Variants in MRPS31 observed in about 807,000 individuals in gnomAD.
MRPS31 encodes the protein small ribosomal subunit protein mS31.
A neutral mutation model predicts 43.1 loss-of-function variants in MRPS31; 32 were observed. The observed-to-expected ratio is 0.74, with a 90% CI of 0.56 to 1.00. The LOEUF is 1.00. Ranked by LOEUF, MRPS31 falls within the 50% of genes least tolerant of loss-of-function variation. The pLI is 0.00. For missense variants in MRPS31, 437 were observed against 466.7 expected, an observed-to-expected ratio of 0.94 and a Z score of 0.59; for synonymous variants, 165 against 161.6, an observed-to-expected ratio of 1.02 and a Z score of -0.16.
intron 6 of MRPS31, among the ~76,000 whole-genome samples, chr13:40,734,879 G>C (rs1879831514): frequency 6.6e-6 from 1 of 152,182 alleles, no homozygotes; most frequent in South Asian, 2.1e-4. Context: ...CTGGGTGACG[G>C]AGTGAGACCC....
At chr13:40,737,705 T>A (rs923898371) in intron 6 of MRPS31, among the ~76,000 whole-genome samples, 2 of 151,818 alleles carry the variant, frequency 1.3e-5, no homozygotes, top group African/African-American at 4.8e-5. Context: ...CATAACGAAA[T>A]GAAGGCAGAA....
intron 6 of MRPS31, among the ~76,000 whole-genome samples, chr13:40,734,631 T>G (rs1879821742): frequency 6.6e-6 from 1 of 152,166 alleles, no homozygotes; most frequent in African/African-American, 2.4e-5. Flanking sequence ...CTGGGAACAG[T>G]GGCTTACACC....
chr13:40,767,292 G>A (rs1201599903), intron 1 of MRPS31, among the ~76,000 whole-genome samples: 1 of 151,974 alleles, frequency 6.6e-6, no homozygotes, highest in Non-Finnish European at 1.5e-5. Flanking sequence ...CGAGCAGCTA[G>A]GATTGTAGGC....
chr13:40,753,425 T>G (rs1239771410), intron 5 of MRPS31, among the ~76,000 whole-genome samples: 1 of 152,232 alleles, frequency 6.6e-6, no homozygotes. Flanking sequence ...GATTCGGTAA[T>G]CGGTAGTACT....
At chr13:40,734,138 C>T (rs566231316) in intron 6 of MRPS31, among the ~76,000 whole-genome samples, 1 of 152,082 alleles carries the variant, frequency 6.6e-6, no homozygotes, top group South Asian at 2.1e-4. Context: ...GGAGCAAAGG[C>T]TTATTGTGAA....
At chr13:40,769,325 G>A (rs770630279) in intron 1 of MRPS31, among the ~76,000 whole-genome samples, 21 of 138,976 alleles carry the variant, frequency 1.5e-4, no homozygotes, top group Non-Finnish European at 2.8e-4. Context: ...GCAGTGAGCC[G>A]AGATCACACA....
At chr13:40,751,546 G>GTA (rs1228734140) in intron 5 of MRPS31, among the ~76,000 whole-genome samples, 4 of 152,168 alleles carry the variant, frequency 2.6e-5, no homozygotes, top group Admixed American at 6.5e-5. Context: ...GGGCCTATGA[G>GTA]TATATCCTTT....
chr13:40,737,486 T>C (rs900913076), intron 6 of MRPS31, among the ~76,000 whole-genome samples: 13 of 152,060 alleles, frequency 8.5e-5, no homozygotes, highest in Admixed American at 2.0e-4. Flanking sequence ...ATACATTTTT[T>C]TCAGCACCAC....
At chr13:40,751,982 C>T (rs548279458) in intron 5 of MRPS31, among the ~76,000 whole-genome samples, 13 of 151,642 alleles carry the variant, frequency 8.6e-5, no homozygotes, top group African/African-American at 3.1e-4. Context: ...TCTTCAAGTG[C>T]CTCTTTTGGC....
In MRPS31 at chr13:40,729,549, G is replaced by A. The variant is rs77896392; in HGVS notation, c.1011C>T (p.His337=). Residue 337 remains histidine (H), a synonymous_variant, in exon 7 of 7, where the codon CAC becomes CAT. Transcript: ENST00000323563. Reference sequence around the variant, plus strand: ...GTCCTTGTTTTGGAAAGCTCTCCAGGTGTTTCTCCAGAAATATATGTTCAT... The same window carrying A: ...GTCCTTGTTTTGGAAAGCTCTCCAGATGTTTCTCCAGAAATATATGTTCAT... ...EFHEHIFLEK[H]LESFPKQGPI... The A allele has an allele frequency of 3.6e-3, 5,818 of 1,613,896 alleles. 112 individuals carry two copies. The African/African-American group carries it at 0.058, about 16-fold the overall frequency.
At position 40,767,059 on chromosome 13, in the gene MRPS31, A is replaced by G. The variant is rs757601475; in HGVS notation, c.153-26T>C. ...CTGGAAAGATGCATTAAAGAAAAAAATGAAAAATACAATGCAGTCTACAAT... is the reference window on the plus strand; with the variant it reads ...CTGGAAAGATGCATTAAAGAAAAAAGTGAAAAATACAATGCAGTCTACAAT... On this transcript the variant is annotated intron_variant, in intron 1 of 6. Coordinates refer to ENST00000323563, the MANE Select transcript of MRPS31 (RefSeq NM_005830.4). 2.8e-5 allele frequency: 44 copies of G among 1,568,934 alleles called. No individual in the cohort carries two copies. The Middle Eastern group carries it at 5.3e-4, about 19-fold the overall frequency.
chr13:40,739,646 C>T (rs1021728405), intron 6 of MRPS31, among the ~76,000 whole-genome samples: 1 of 152,094 alleles, frequency 6.6e-6, no homozygotes, highest in African/African-American at 2.4e-5. Context: ...ATATCTACAA[C>T]TATCTGATCT....
intron 3 of MRPS31, among the ~76,000 whole-genome samples, chr13:40,758,401 T>C (rs77095080): frequency 0.045 from 6,831 of 152,236 alleles, 307 homozygotes; most frequent in East Asian, 0.14. Context: ...TACACGTTCA[T>C]TGAGAACAAC....
At chr13:40,750,968 A>C (rs2138006518) in intron 5 of MRPS31, among the ~76,000 whole-genome samples, 1 of 151,992 alleles carries the variant, frequency 6.6e-6, no homozygotes, top group Non-Finnish European at 1.5e-5. Context: ...CCTCCAGCTT[A>C]CCTCTTTACC....
chr13:40,749,304 A>T, intron 5 of MRPS31, 23 bp from the exon 6 acceptor site: 1 of 1,527,040 alleles, frequency 6.5e-7, no homozygotes, highest in Non-Finnish European at 8.7e-7. Flanking sequence ...GACATTTTAG[A>T]TAACAACAAG....
intron 1 of MRPS31, among the ~76,000 whole-genome samples, chr13:40,769,454 G>A (rs1368306581): frequency 1.4e-4 from 19 of 137,246 alleles, no homozygotes; most frequent in South Asian, 4.7e-4. Context: ...AATGGCAGCC[G>A]CAGGTTAAGG....
intron 6 of MRPS31, among the ~76,000 whole-genome samples, chr13:40,740,745 A>T (rs1880062803): frequency 7.3e-6 from 1 of 137,646 alleles, no homozygotes; most frequent in Middle Eastern, 3.6e-3. Flanking sequence ...GTGAGATCAC[A>T]TGGACACAGG....
At chr13:40,736,298 C>T (rs566358734) in intron 6 of MRPS31, among the ~76,000 whole-genome samples, 4 of 152,230 alleles carry the variant, frequency 2.6e-5, no homozygotes, top group African/African-American at 9.6e-5. Context: ...ACCGAATCTA[C>T]GTCTGATTGG....
chr13:40,737,587 C>T (rs147644716), intron 6 of MRPS31, among the ~76,000 whole-genome samples: 1 of 152,336 alleles, frequency 6.6e-6, no homozygotes, highest in African/African-American at 2.4e-5. Flanking sequence ...AACTATCTAT[C>T]TGTCAGACCA....
Sources: gnomAD v4.1 joint callset for allele counts (sites outside exome capture counted in the v4.1 genomes callset) on GRCh38, gnomAD v4.1.1 for gene constraint, MANE v1.5 for transcripts, NCBI Gene and HGNC (gene_info 2026-07-23, HGNC 2026-07-21) for gene names.